Variants in CNNM2 observed in about 807,000 individuals in gnomAD.
CNNM2 encodes the protein cyclin and CBS domain divalent metal cation transport mediator 2.
A neutral mutation model predicts 66.9 loss-of-function variants in CNNM2; 12 were observed. The ratio of observed to expected loss-of-function variants is 0.18; its 90% CI spans 0.11 to 0.29. The LOEUF (loss-of-function observed/expected upper bound fraction) is 0.29. Ranked by LOEUF, CNNM2 falls within the 10% of genes least tolerant of loss-of-function variation. The pLI is 1.00. For missense variants in CNNM2, 705 were observed against 1,167.7 expected (o/e 0.60, Z 5.77); for synonymous variants, 557 against 501.8 (o/e 1.11, Z -1.47).
chr10:103,072,620 G>A (rs2065608302), intron 6 of CNNM2, among the ~76,000 whole-genome samples: 2 of 152,268 alleles, frequency 1.3e-5, no homozygotes, highest in African/African-American at 2.4e-5. Flanking sequence ...GCAGGAGAGG[G>A]TGGCCAGTCC....
At position 102,918,457 on chromosome 10, in the gene CNNM2, A is replaced by C; in HGVS notation, c.-24A>C. On this transcript the variant is annotated 5_prime_UTR_variant, in exon 1 of 8. Coordinates refer to ENST00000369878, the MANE Select transcript of CNNM2 (RefSeq NM_017649.5). This position sits in a 1 kb window ranked among gnomAD's most constrained non-coding sequence, Gnocchi z 4.1. ...TCGCGCCGCCGGGTTGAAAGGATGA[A>C]GCCGCAGCTGGAGCAGCCACCCTAT... 1 of 1,595,148 alleles carries C rather than the reference A, an allele frequency of 6.3e-7. No individual in the cohort carries two copies. Among genetic ancestry groups the C allele is most frequent in the Non-Finnish European group, 8.5e-7 (1 of 1,174,582 alleles).
At chr10:103,061,347 C>T (rs764280022) in intron 4 of CNNM2, among the ~76,000 whole-genome samples, 4 of 152,022 alleles carry the variant, frequency 2.6e-5, no homozygotes, top group Admixed American at 6.5e-5. Context: ...GAGCTGAGAT[C>T]GCGCCACTGC....
chr10:103,075,260 C>T (rs534752298), intron 6 of CNNM2, among the ~76,000 whole-genome samples: 1 of 152,264 alleles, frequency 6.6e-6, no homozygotes, highest in Non-Finnish European at 1.5e-5. Flanking sequence ...AAGACCTGGC[C>T]AGGGTGGGCA....
chr10:102,921,112 A>G (rs1845617491), intron 1 of CNNM2: 1 of 864,088 alleles, frequency 1.2e-6, no homozygotes, highest in East Asian at 1.2e-4. Flanking sequence ...CATATAATGA[A>G]CAGGTAAATA....
At position 103,089,711 on chromosome 10, in the gene CNNM2, G is replaced by A. The variant is rs3740387; in HGVS notation, c.*12531G>A. The A allele has an allele frequency of 0.4, 643,998 of 1,611,386 alleles. 129,685 individuals are homozygous for A. Among genetic ancestry groups the A allele is most frequent in the Middle Eastern group, 0.44 (2,609 of 5,962 alleles). ...CCTCCTCCTCTTCATCATCATCTTC[G>A]TCATGGCAGTGTGTAATTTCCTGGG... On this transcript the variant is annotated 3_prime_UTR_variant, in exon 8 of 8. Coordinates refer to ENST00000369878, the MANE Select transcript of CNNM2 (RefSeq NM_017649.5).
intron 1 of CNNM2, among the ~76,000 whole-genome samples, chr10:102,949,968 G>C (rs1846767077): frequency 6.6e-6 from 1 of 152,104 alleles, no homozygotes; most frequent in Admixed American, 6.6e-5. Flanking sequence ...TATGTTCCTA[G>C]CACTCTATTA....
At chr10:103,011,129 G>A (rs898855761) in intron 1 of CNNM2, among the ~76,000 whole-genome samples, 1 of 152,158 alleles carries the variant, frequency 6.6e-6, no homozygotes. Context: ...ACTGAGGAAA[G>A]GTGTGTGTCA....
In CNNM2 at chr10:103,026,228, T is replaced by C. The variant is rs570619879; in HGVS notation, c.1622-23479T>C. On this transcript the variant is annotated intron_variant, in intron 1 of 7. Coordinates refer to ENST00000369878, the MANE Select transcript of CNNM2 (RefSeq NM_017649.5). ...ACAAAATGGACTGAGACAGTGTCCG[T>C]AGAAACAACTTTTCTATTCTCTTAA... Among the ~76,000 whole-genome samples, 10 of 152,312 alleles carry C rather than the reference T, an allele frequency of 6.6e-5. No individual in the cohort carries two copies. In the South Asian group the frequency reaches 8.3e-4, roughly 13 times the overall value.
chr10:102,975,365 T>A (rs558718171), intron 1 of CNNM2, among the ~76,000 whole-genome samples: 6 of 151,522 alleles, frequency 4.0e-5, no homozygotes, highest in Non-Finnish European at 1.5e-5. Context: ...AGCCAGCAGA[T>A]GTACTTCAGC....
intron 4 of CNNM2, among the ~76,000 whole-genome samples, chr10:103,057,915 G>T (rs144763846): frequency 1.9e-3 from 282 of 152,340 alleles, no homozygotes; most frequent in African/African-American, 6.0e-3. Flanking sequence ...GTTGACAGGA[G>T]GCCTTGTTTT....
intron 1 of CNNM2, among the ~76,000 whole-genome samples, chr10:102,979,436 G>A (rs2063686290): frequency 6.6e-6 from 1 of 152,098 alleles, no homozygotes; most frequent in African/African-American, 2.4e-5. Context: ...ACCTAGCTAT[G>A]TTACCTGCTT....
chr10:102,923,154 G>A lies in CNNM2; in HGVS notation c.1621+3053G>A, dbSNP rs368318579. Among the ~76,000 whole-genome samples the A allele has an allele frequency of 6.6e-5, 10 of 151,988 alleles. No homozygotes were observed. The South Asian group carries it at 2.1e-3, about 32-fold the overall frequency. ...CCTTTTTTTTTTCCCCAAGAGACAA[G>A]GTCTCACTGTGTTGCCCAGGCTGGA... On this transcript the variant is annotated intron_variant, in intron 1 of 7. Transcript: ENST00000369878.
chr10:102,962,851 T>C (rs892715203), intron 1 of CNNM2, among the ~76,000 whole-genome samples: 1 of 152,152 alleles, frequency 6.6e-6, no homozygotes, highest in African/African-American at 2.4e-5. Context: ...ATTTATCCTA[T>C]AATCAGAAAG....
At chr10:103,019,012 A>T (rs1345027607) in intron 1 of CNNM2, among the ~76,000 whole-genome samples, 1 of 150,672 alleles carries the variant, frequency 6.6e-6, no homozygotes, top group Non-Finnish European at 1.5e-5. Context: ...TCACGCCTGT[A>T]ATCCCAGCAC....
chr10:102,944,680 C>T (rs908116479), intron 1 of CNNM2, among the ~76,000 whole-genome samples: 2 of 151,464 alleles, frequency 1.3e-5, no homozygotes, highest in Non-Finnish European at 2.9e-5. Flanking sequence ...TGATACTTCA[C>T]TCCTAAACAC....
chr10:103,038,810 G>A (rs1444483181), intron 1 of CNNM2, among the ~76,000 whole-genome samples: 1 of 152,088 alleles, frequency 6.6e-6, no homozygotes, highest in Non-Finnish European at 1.5e-5. Context: ...TCCCAGAATA[G>A]CAACAGTTAT....
chr10:102,920,888 G>T (rs1390293180), intron 1 of CNNM2: 1 of 156,324 alleles, frequency 6.4e-6, no homozygotes, highest in Admixed American at 6.5e-5. Flanking sequence ...AGTTACAGTT[G>T]CCCAAACCAA....
chr10:103,028,865 C>T (rs1247206285), intron 1 of CNNM2, among the ~76,000 whole-genome samples: 3 of 126,966 alleles, frequency 2.4e-5, no homozygotes, highest in Admixed American at 9.8e-5. Context: ...CTGTGTCACT[C>T]AGGCTGGAGT....
In CNNM2 at chr10:103,054,034, G is replaced by A. The variant is rs2065257305; in HGVS notation, c.1766-295G>A. ...GTGGGTCTTGTGAGAGGCTCTGTCAGCATTTGCCTGATGCTGTGCTCACAA... is the reference window on the plus strand; with the variant it reads ...GTGGGTCTTGTGAGAGGCTCTGTCAACATTTGCCTGATGCTGTGCTCACAA... On this transcript the variant is annotated intron_variant, in intron 2 of 7. Transcript: ENST00000369878. This position sits in a 1 kb window ranked among gnomAD's most constrained non-coding sequence, Gnocchi z 5.2. 6.6e-6 allele frequency among the ~76,000 whole-genome samples: 1 copy of A among 152,170 alleles called. No individual in the cohort carries two copies. Among genetic ancestry groups the A allele is most frequent in the African/African-American group, 2.4e-5 (1 of 41,430 alleles).
Sources: allele counts gnomAD v4.1 joint callset (sites outside exome capture counted in the v4.1 genomes callset), GRCh38; gene constraint gnomAD v4.1.1; non-coding constraint Gnocchi (gnomAD v3.1); transcripts MANE v1.5; gene names NCBI Gene and HGNC (gene_info 2026-07-23, HGNC 2026-07-21).